Variants in PFKFB3 observed in about 807,000 individuals in gnomAD.
PFKFB3 encodes the protein 6-phosphofructo-2-kinase/fructose-2,6-biphosphatase 3.
In PFKFB3, 33 loss-of-function variants were observed where a neutral mutation model predicts 68.0. The ratio of observed to expected loss-of-function variants is 0.49; its 90% CI spans 0.37 to 0.65. The LOEUF is 0.65. Ranked by LOEUF, PFKFB3 falls within the 30% of genes least tolerant of loss-of-function variation. The pLI, the probability that PFKFB3 is intolerant of heterozygous loss-of-function variation, is 0.00. For synonymous variants in PFKFB3, 315 were observed against 288.2 expected (o/e 1.09, Z -0.94); for missense variants, 586 against 712.2 (o/e 0.82, Z 2.02).
At chr10:6,159,643 G>C (rs1371556546) in intron 1 of PFKFB3, among the ~76,000 whole-genome samples, 1 of 147,494 alleles carries the variant, frequency 6.8e-6, no homozygotes, top group Non-Finnish European at 1.5e-5. Context: ...GGTGAGCCGA[G>C]ATTACACCAT....
Position 6,169,800 on chromosome 10 carries a change from G to A in PFKFB3, c.16+24787G>A, listed in dbSNP as rs528236393. On this transcript the variant is annotated intron_variant, in intron 1 of 14. Transcript: ENST00000379789. ...GAGTGGCCAGGAGGGTCTGAGCACCGAGGAAGGACTGGCTTCTGCCTGGCT... is the reference window on the plus strand; with the variant it reads ...GAGTGGCCAGGAGGGTCTGAGCACCAAGGAAGGACTGGCTTCTGCCTGGCT... Among the ~76,000 whole-genome samples, 14 of 152,284 alleles carry A rather than the reference G, an allele frequency of 9.2e-5. No homozygotes were observed. The South Asian group carries it at 2.9e-3, about 32-fold the overall frequency.
In PFKFB3 at chr10:6,210,582, T is replaced by TCTCCTG. The variant is rs1445183165; in HGVS notation, c.77-3041_77-3040insCTCCTG. On this transcript the variant is annotated intron_variant, in intron 1 of 14. Coordinates refer to ENST00000379775, the MANE Select transcript of PFKFB3 (RefSeq NM_004566.4). The stretch of plus-strand genomic sequence containing the variant: ...GCCATGTTAGCCAGGATAGTCTTGA[T>TCTCCTG]AGTGTTTTTAATAGACGGGGTTTCG... Among the ~76,000 whole-genome samples, 186 of 52,856 alleles carry TCTCCTG rather than the reference T, an allele frequency of 3.5e-3. 20 individuals are homozygous for TCTCCTG. The highest frequency in any genetic ancestry group is 0.016 in the Middle Eastern group (2 of 124). The allele number at this position is 52,856 out of a possible 152,430, so 34.7% of individuals were successfully genotyped here.
chr10:6,183,599 G>A (rs1190826259), intron 1 of PFKFB3, among the ~76,000 whole-genome samples: 32 of 11,488 alleles, frequency 2.8e-3, no homozygotes, highest in South Asian at 8.0e-3. Context: ...GACCAGCCTG[G>A]TCAAAAAAAA....
chr10:6,183,317 T>G (rs1564603850), intron 1 of PFKFB3, among the ~76,000 whole-genome samples: 1 of 152,170 alleles, frequency 6.6e-6, no homozygotes, highest in Non-Finnish European at 1.5e-5. Flanking sequence ...CTAGACTATT[T>G]TTTTGCTCAC....
intron 1 of PFKFB3, among the ~76,000 whole-genome samples, chr10:6,173,493 G>C (rs1327403455): frequency 6.6e-6 from 1 of 152,202 alleles, no homozygotes; most frequent in East Asian, 1.9e-4. Flanking sequence ...AAGAGGCCTA[G>C]GGTGTGGCGG....
chr10:6,238,477 C>CAAAAAAAAA (rs71390201), downstream of PFKFB3, among the ~76,000 whole-genome samples: 7 of 89,554 alleles, frequency 7.8e-5, no homozygotes, highest in East Asian at 6.2e-4. Flanking sequence ...GGTGCCATCT[C>CAAAAAAAAA]AAAAAAAAAA....
At chr10:6,240,209 G>C (rs1244933161), downstream of PFKFB3, among the ~76,000 whole-genome samples, 1 of 151,988 alleles carries the variant, frequency 6.6e-6, no homozygotes, top group Non-Finnish European at 1.5e-5. Flanking sequence ...ACAAGAAAGG[G>C]CTTAGACTAG....
chr10:6,179,574 C>T (rs1452438457), intron 1 of PFKFB3, among the ~76,000 whole-genome samples: 1 of 152,168 alleles, frequency 6.6e-6, no homozygotes, highest in Non-Finnish European at 1.5e-5. Flanking sequence ...TGGGATGTTG[C>T]TGTCCATGGG....
At chr10:6,202,180 C>G (rs891132663), upstream of PFKFB3, among the ~76,000 whole-genome samples, 1 of 152,220 alleles carries the variant, frequency 6.6e-6, no homozygotes, top group African/African-American at 2.4e-5. Context: ...AGCCCCAGTC[C>G]ACTTCAGTCC....
At chr10:6,291,447 G>C in the PFKFB3 span, among the ~76,000 whole-genome samples, 2 of 151,888 alleles carry the variant, frequency 1.3e-5, no homozygotes, top group Non-Finnish European at 2.9e-5. Context: ...AGCTACTCAA[G>C]AGGCTGAGGC....
rs35447462 is a variant in PFKFB3 at position 6,208,371 on chromosome 10, C to CTTTTTTTTTTTTTTTTTT, written c.76+5040_76+5057dup. Among the ~76,000 whole-genome samples, 148 of 60,632 alleles carry CTTTTTTTTTTTTTTTTTT rather than the reference C, an allele frequency of 2.4e-3. 14 individuals carry two copies. The highest frequency in any genetic ancestry group is 3.0e-3 in the Non-Finnish European group (104 of 34,298). The allele number at this position is 60,632 out of a possible 152,430, so 39.8% of individuals were successfully genotyped here. On this transcript the variant is annotated intron_variant, in intron 1 of 14. Transcript: ENST00000379775. ...ACAGGTGTAAGCCAGGGTACCTGGC[C>CTTTTTTTTTTTTTTTTTT]TTTTTTTTTTTTTTTTTTTTTTGCC...
rs1843438457 is a variant in PFKFB3 at position 6,203,052 on chromosome 10, C to T, written c.-209C>T. On this transcript the variant is annotated 5_prime_UTR_variant, in exon 1 of 15. Transcript: ENST00000379775. ...CGGCCGTGCCGGGCATCCCCAGCCT[C>T]GCTACCCTCGCAGCACACGTCGAGC... 5.1e-6 allele frequency: 7 copies of T among 1,385,312 alleles called. No homozygotes were observed. Among genetic ancestry groups the T allele is most frequent in the Non-Finnish European group, 6.5e-6 (7 of 1,074,812 alleles). 85.8% of individuals were successfully genotyped at this position (1,385,312 alleles called of 1,614,324 possible). A position where few individuals can be genotyped will look rare whatever the true frequency, so the allele number is the denominator to read the frequency against.
intron 14 of PFKFB3, chr10:6,231,632 G>A: frequency 2.1e-6 from 2 of 969,158 alleles, no homozygotes; most frequent in Non-Finnish European, 2.5e-6. Flanking sequence ...CAGATGCGGA[G>A]GGAAATGTCA....
chr10:6,168,161 A>G (rs1312792907), intron 1 of PFKFB3, among the ~76,000 whole-genome samples: 2 of 152,184 alleles, frequency 1.3e-5, no homozygotes, highest in African/African-American at 4.8e-5. Flanking sequence ...ACAGAGGGGC[A>G]GCTTAGGTAG....
chr10:6,221,474 G>T lies in PFKFB3; in HGVS notation c.925G>T (p.Glu309Ter). 6.2e-7 allele frequency: 1 copy of T among 1,613,676 alleles called. No homozygotes were observed. The highest frequency in any genetic ancestry group is 8.5e-7 in the Non-Finnish European group (1 of 1,180,012). ...SQLKSTIQTA[E>*]ALRLPYEQWK... ...GCTGAAGAGCACCATCCAGACGGCC[G>T]AGGCGCTGCGGCTGCCCTACGAGCA... is the stretch of plus-strand genomic sequence containing the variant. Residue 309 changes from glutamate to a stop codon, truncating the protein, a stop_gained, in exon 9 of 15, where the codon GAG becomes TAG. Transcript: ENST00000379775. LOFTEE classifies it high-confidence loss of function.
intron 14 of PFKFB3, among the ~76,000 whole-genome samples, chr10:6,248,344 T>TA (rs1426352826): frequency 2.0e-5 from 3 of 152,044 alleles, no homozygotes; most frequent in East Asian, 1.9e-4. Flanking sequence ...AATAATCTGA[T>TA]TAAAAAATGT....
At chr10:6,204,290 G>A (rs1843545493) in intron 1 of PFKFB3, among the ~76,000 whole-genome samples, 1 of 152,276 alleles carries the variant, frequency 6.6e-6, no homozygotes, top group African/African-American at 2.4e-5. Context: ...GCCGCCTGGT[G>A]CGGTTTTGCC....
the PFKFB3 span, among the ~76,000 whole-genome samples, chr10:6,318,156 C>T: frequency 6.6e-6 from 1 of 152,212 alleles, no homozygotes; most frequent in Non-Finnish European, 1.5e-5. Context: ...GTGCACTCCT[C>T]TTTCTGGGAA....
At chr10:6,201,585 G>A (rs1260472432), upstream of PFKFB3, among the ~76,000 whole-genome samples, 3 of 151,496 alleles carry the variant, frequency 2.0e-5, no homozygotes, top group Non-Finnish European at 3.0e-5. This position sits in a 1 kb window ranked among gnomAD's most constrained non-coding sequence, Gnocchi z 4.1. Context: ...GGCGCGCGGG[G>A]CGGGAGCAGC....
Sources: allele counts gnomAD v4.1 joint callset (sites outside exome capture counted in the v4.1 genomes callset), GRCh38; gene constraint gnomAD v4.1.1; non-coding constraint Gnocchi (gnomAD v3.1); transcripts MANE v1.5; gene names NCBI Gene and HGNC (gene_info 2026-07-23, HGNC 2026-07-21).